The following TRMT9B variants were observed in gnomAD, a reference collection of about 807,000 sequenced individuals.
TRMT9B encodes the protein probable tRNA methyltransferase 9B.
A neutral mutation model predicts 11.5 loss-of-function variants in TRMT9B; 16 were observed. That is an observed-to-expected ratio of 1.39 (90% CI 0.94 to 2.11). The LOEUF (loss-of-function observed/expected upper bound fraction) is 2.11. TRMT9B is among the 30% of genes most tolerant of loss of function. The pLI, the probability that TRMT9B is intolerant of heterozygous loss-of-function variation, is 0.00. For synonymous variants in TRMT9B, 274 were observed against 192.4 expected (o/e 1.42, Z -3.51); for missense variants, 941 against 553.8 (o/e 1.70, Z -7.02).
At chr8:13,008,541 C>T (rs1395657307) in intron 3 of TRMT9B, among the ~76,000 whole-genome samples, 1 of 152,074 alleles carries the variant, frequency 6.6e-6, no homozygotes, top group Admixed American at 6.6e-5. Context: ...TAAATTTCAG[C>T]AGGTACATTA....
At chr8:12,952,775 T>C (rs1800795634) in intron 1 of TRMT9B, 1 of 743,314 alleles carries the variant, frequency 1.3e-6, no homozygotes. Flanking sequence ...AGTCTCTCTC[T>C]GTCACCCAGG....
chr8:12,992,730 A>C (rs1807587465), intron 2 of TRMT9B, among the ~76,000 whole-genome samples: 1 of 151,958 alleles, frequency 6.6e-6, no homozygotes, highest in African/African-American at 2.4e-5. Context: ...GTGTGACGGC[A>C]TGCACCTGTG....
At chr8:13,019,621 C>T (rs181739952) in intron 4 of TRMT9B, among the ~76,000 whole-genome samples, 278 of 152,234 alleles carry the variant, frequency 1.8e-3, no homozygotes, top group Middle Eastern at 6.8e-3. Flanking sequence ...CCTTAGTAAC[C>T]GTGGATAAAT....
intron 1 of TRMT9B, chr8:12,952,115 A>C (rs1192590297): frequency 4.5e-6 from 2 of 440,164 alleles, no homozygotes; most frequent in Non-Finnish European, 9.2e-6. Context: ...ATGCAAAAGC[A>C]GCTTTTGCCC....
chr8:12,985,633 C>T (rs1806168504), intron 1 of TRMT9B, among the ~76,000 whole-genome samples: 1 of 152,126 alleles, frequency 6.6e-6, no homozygotes, highest in Admixed American at 6.5e-5. Context: ...GCTACCAAAG[C>T]ATCTGTAGCC....
chr8:13,006,476 A>G (rs1004800677), intron 3 of TRMT9B, 120 bp downstream of exon 3: 1 of 1,557,688 alleles, frequency 6.4e-7, no homozygotes, highest in African/African-American at 1.4e-5. Flanking sequence ...GTCATAGGTA[A>G]CCCAGCACTG....
chr8:13,023,921 T>C lies in TRMT9B; in HGVS notation c.*1877T>C, dbSNP rs1333889934. On this transcript the variant is annotated 3_prime_UTR_variant, in exon 5 of 5. Coordinates refer to ENST00000524591, the MANE Select transcript of TRMT9B (RefSeq NM_020844.3). ...GTTATCACCATTTTGGTAGATGAGG[T>C]TGTCTGGTGAAAATGATGCATATGA... The C allele has an allele frequency of 6.0e-6, 1 of 167,150 alleles. No individual in the cohort carries two copies. The allele number at this position is 167,150 out of a possible 1,614,324, so 10.4% of individuals were successfully genotyped here.
chr8:12,970,389 C>T (rs1363012981), intron 1 of TRMT9B, among the ~76,000 whole-genome samples: 2 of 152,206 alleles, frequency 1.3e-5, no homozygotes, highest in Admixed American at 6.5e-5. Context: ...TCCATCCCAA[C>T]CTAACAGTGA....
At position 13,027,194 on chromosome 8, in the gene TRMT9B, C is replaced by G. The variant is rs1307206992; in HGVS notation, c.*5150C>G. 1.2e-5 allele frequency: 2 copies of G among 167,172 alleles called. No homozygotes were observed. Among genetic ancestry groups the G allele is most frequent in the African/African-American group, 2.4e-5 (1 of 41,560 alleles). 10.4% of individuals were successfully genotyped at this position (167,172 alleles called of 1,614,324 possible). A position where few individuals can be genotyped will look rare whatever the true frequency, so the allele number is the denominator to read the frequency against. On this transcript the variant is annotated 3_prime_UTR_variant, in exon 5 of 5. Transcript: ENST00000524591. ...TGCTGTGTGCTGGATACATATGATA[C>G]AAGGTAATGACTATCTGGCATCTTG... is the stretch of plus-strand genomic sequence containing the variant.
At chr8:12,965,647 A>C (rs1802711849) in intron 1 of TRMT9B, among the ~76,000 whole-genome samples, 1 of 151,934 alleles carries the variant, frequency 6.6e-6, no homozygotes, top group African/African-American at 2.4e-5. Context: ...GGTAGACTAC[A>C]AGCAGGAAAT....
intron 4 of TRMT9B, among the ~76,000 whole-genome samples, chr8:13,016,859 C>T (rs925007264): frequency 9.4e-5 from 14 of 148,476 alleles, no homozygotes; most frequent in South Asian, 2.2e-4. Flanking sequence ...GTATGTGGGC[C>T]CCCACAATAA....
At chr8:12,991,858 G>A (rs1228150672) in intron 2 of TRMT9B, among the ~76,000 whole-genome samples, 1 of 152,166 alleles carries the variant, frequency 6.6e-6, no homozygotes, top group Non-Finnish European at 1.5e-5. Context: ...TTGAACCCAG[G>A]AGGTGGAGGT....
At chr8:12,983,605 G>A (rs1563358220) in intron 1 of TRMT9B, among the ~76,000 whole-genome samples, 2 of 152,154 alleles carry the variant, frequency 1.3e-5, no homozygotes, top group African/African-American at 2.4e-5. Context: ...AGGAGGCGGA[G>A]GTAGCAGTGA....
chr8:13,003,121 C>A (rs1411959265), intron 2 of TRMT9B, among the ~76,000 whole-genome samples: 1 of 152,176 alleles, frequency 6.6e-6, no homozygotes, highest in Non-Finnish European at 1.5e-5. Flanking sequence ...AGTCTTCCAG[C>A]AGACTCTGCC....
At chr8:12,967,003 C>T (rs2954168) in intron 1 of TRMT9B, among the ~76,000 whole-genome samples, 2 of 152,136 alleles carry the variant, frequency 1.3e-5, no homozygotes, top group Admixed American at 6.5e-5. Flanking sequence ...ACCTTCCTTA[C>T]AGACACCGAC....
chr8:12,957,925 A>T (rs1801526094), intron 1 of TRMT9B, among the ~76,000 whole-genome samples: 1 of 152,076 alleles, frequency 6.6e-6, no homozygotes. Flanking sequence ...GAAACTCCAT[A>T]CCCATTAAAC....
intron 3 of TRMT9B, among the ~76,000 whole-genome samples, chr8:13,009,080 C>G (rs1160718335): frequency 6.6e-6 from 1 of 151,850 alleles, no homozygotes; most frequent in African/African-American, 2.4e-5. Flanking sequence ...AAAAAAAGGA[C>G]CAGCATCCTG....
At chr8:12,951,729 C>A (rs1800643575) in intron 1 of TRMT9B, 1 of 151,852 alleles carries the variant, frequency 6.6e-6, no homozygotes, top group Non-Finnish European at 1.5e-5. Flanking sequence ...GTGACGGGGG[C>A]GGGGGCCGCG....
intron 2 of TRMT9B, among the ~76,000 whole-genome samples, chr8:12,998,748 A>G (rs1324311543): frequency 6.6e-6 from 1 of 152,236 alleles, no homozygotes; most frequent in Non-Finnish European, 1.5e-5. Context: ...CTCCTTGATG[A>G]GACAGTAGAA....
Sources: allele counts gnomAD v4.1 joint callset (sites outside exome capture counted in the v4.1 genomes callset), GRCh38; gene constraint gnomAD v4.1.1; transcripts MANE v1.5; gene names NCBI Gene and HGNC (gene_info 2026-07-23, HGNC 2026-07-21).